Variants in FRYL observed in about 807,000 individuals in gnomAD.
FRYL encodes protein furry homolog-like.
In FRYL, 150 loss-of-function variants were observed where a neutral mutation model predicts 351.2. The observed-to-expected ratio is 0.43, with a 90% CI of 0.37 to 0.49. The LOEUF (loss-of-function observed/expected upper bound fraction) is 0.49, where lower values mean the gene tolerates loss of function less well. Ranked by LOEUF, FRYL falls within the 20% of genes least tolerant of loss-of-function variation. FRYL has a pLI of 0.00. For synonymous variants in FRYL, 1,153 were observed against 1,257.1 expected (o/e 0.92, Z 1.75); for missense variants, 3,036 against 3,619.3 (o/e 0.84, Z 4.13).
intron 22 of FRYL, among the ~76,000 whole-genome samples, chr4:48,579,539 C>A (rs1740411391): frequency 6.6e-6 from 1 of 152,112 alleles, no homozygotes; most frequent in Non-Finnish European, 1.5e-5. Flanking sequence ...ATCCAAATTT[C>A]ATCGTATACC....
chr4:48,712,067 T>A (rs1248433733), intron 1 of FRYL, among the ~76,000 whole-genome samples: 1 of 152,054 alleles, frequency 6.6e-6, no homozygotes, highest in East Asian at 1.9e-4. Flanking sequence ...AACCCATCTG[T>A]GCATCACCAT....
At chr4:48,548,634 C>CT in intron 40 of FRYL, 56 bp downstream of exon 40, 1 of 981,822 alleles carries the variant, frequency 1.0e-6, no homozygotes, top group South Asian at 1.4e-5. Flanking sequence ...AACCATACTG[C>CT]TTTTAAATTA....
intron 62 of FRYL, 128 bp from the exon 63 acceptor site, chr4:48,500,348 G>A (rs1719275519): frequency 1.9e-6 from 1 of 526,430 alleles, no homozygotes. Flanking sequence ...TGTTTGTCTT[G>A]GAAGAAAGGG....
intron 36 of FRYL, among the ~76,000 whole-genome samples, chr4:48,552,926 T>C (rs1255954309): frequency 1.3e-5 from 2 of 152,154 alleles, no homozygotes; most frequent in Admixed American, 6.5e-5. Context: ...ATTAGGAACA[T>C]AGTTTCTTCA....
At chr4:48,531,776 A>C (rs1727700553) in intron 49 of FRYL, among the ~76,000 whole-genome samples, 1 of 152,216 alleles carries the variant, frequency 6.6e-6, no homozygotes. Context: ...TTTAACGAAT[A>C]CCTTCCTTTT....
intron 50 of FRYL, among the ~76,000 whole-genome samples, chr4:48,530,706 T>C (rs1364329276): frequency 2.0e-5 from 3 of 152,140 alleles, no homozygotes; most frequent in African/African-American, 4.8e-5. Context: ...CAAGCCTTCA[T>C]TCACACATTC....
rs1467499446 is a variant in FRYL, at chr4:48,531,136, T to A, written c.6903+20A>T. On this transcript the variant is annotated intron_variant, in intron 50 of 63. Coordinates refer to ENST00000358350, the MANE Select transcript of FRYL (RefSeq NM_015030.2). ...GAAAATTCCTAGTAGAGTAACTTCATCAATTTCTGAGCATCTTACCTCAGA... is the reference window on the plus strand; with the variant it reads ...GAAAATTCCTAGTAGAGTAACTTCAACAATTTCTGAGCATCTTACCTCAGA... 6.9e-7 allele frequency: 1 copy of A among 1,449,490 alleles called. No homozygotes were observed. The highest frequency in any genetic ancestry group is 1.8e-5 in the Admixed American group (1 of 54,758). The allele number at this position is 1,449,490 out of a possible 1,614,324, so 89.8% of individuals were successfully genotyped here.
At position 48,567,413 on chromosome 4, in the gene FRYL, C is replaced by G. The variant is rs774373299; in HGVS notation, c.3004G>C (p.Gly1002Arg). 6.3e-7 allele frequency: 1 copy of G among 1,594,170 alleles called. No individual in the cohort carries two copies. The highest frequency in any genetic ancestry group is 1.2e-5 in the South Asian group (1 of 85,442). ...DAGVISHSAS[G>R]GLDNETHFLN... ...AAATGTGTTTCATTATCAAGGCCAC[C>G]ACTTGCACTGAAAATATTGAAGAAA... Residue 1002 changes from glycine to arginine, a missense_variant, in exon 28 of 64, where the codon GGT becomes CGT. Transcript: ENST00000358350. This position sits in a 1 kb window ranked among gnomAD's most constrained non-coding sequence, Gnocchi z 4.2.
chr4:48,565,129 C>T (rs575357981), intron 29 of FRYL, 86 bp from the exon 30 acceptor site: 1 of 660,584 alleles, frequency 1.5e-6, no homozygotes, highest in African/African-American at 1.9e-5. Context: ...AAATACTTAT[C>T]TAGTCACAAT....
At chr4:48,569,872 G>A (rs1417968977) in intron 27 of FRYL, among the ~76,000 whole-genome samples, 1 of 152,130 alleles carries the variant, frequency 6.6e-6, no homozygotes, top group Non-Finnish European at 1.5e-5. Context: ...CAGTGCAGTG[G>A]CATGGTCAAG....
At chr4:48,599,963 C>T (rs187080193) in intron 13 of FRYL, among the ~76,000 whole-genome samples, 358 of 151,896 alleles carry the variant, frequency 2.4e-3, no homozygotes, top group African/African-American at 8.3e-3. Context: ...AAAAATCAGC[C>T]GGCGGTGGTG....
At chr4:48,707,816 ATTTCTT>A (rs573403868) in intron 2 of FRYL, among the ~76,000 whole-genome samples, 2 of 150,664 alleles carry the variant, frequency 1.3e-5, no homozygotes, top group South Asian at 4.2e-4. Context: ...AAGTATCTGT[ATTTCTT>A]TTTCTTTTTT....
intron 3 of FRYL, among the ~76,000 whole-genome samples, chr4:48,646,228 G>A (rs1389475817): frequency 3.3e-5 from 5 of 152,098 alleles, no homozygotes; most frequent in African/African-American, 4.8e-5. Context: ...TAATGTAACT[G>A]AAAATACAGC....
At chr4:48,770,487 G>A (rs369074247) in intron 1 of FRYL, among the ~76,000 whole-genome samples, 1 of 151,084 alleles carries the variant, frequency 6.6e-6, no homozygotes, top group Non-Finnish European at 1.5e-5. Flanking sequence ...GCCCAGTTTG[G>A]AGTGCAATGG....
Position 48,528,267 on chromosome 4 carries a change from T to G in FRYL, c.6973A>C (p.Ile2325Leu), listed in dbSNP as rs747851794. 4 of 1,613,254 alleles carry G rather than the reference T, an allele frequency of 2.5e-6. No individual in the cohort carries two copies. The East Asian group carries it at 8.9e-5, about 36-fold the overall frequency. The change falls in exon 51 of 64, where the codon ATT becomes CTT. Residue 2325 changes from isoleucine (I) to leucine (L), a missense_variant. Physicochemically the swap from Ile to Leu is conservative, Grantham distance 5. Around this residue, in one of 7 missense-constraint regions of FRYL, gnomAD observed 1,987 missense variants for 2,311.7 expected, o/e 0.86. Coordinates refer to ENST00000358350, the MANE Select transcript of FRYL (RefSeq NM_015030.2). ...AAGRNGKPKVIAVTRSTSSTS... is the reference protein window; with the variant it reads ...AAGRNGKPKVLAVTRSTSSTS... ...GAGGAAGTACTTCTAGTGACAGCAA[T>G]AACTTTTGGTTTCCCATTTCTTCCA...
chr4:48,685,088 A>G (rs1765015747), intron 2 of FRYL, among the ~76,000 whole-genome samples: 1 of 152,062 alleles, frequency 6.6e-6, no homozygotes, highest in Admixed American at 6.6e-5. Context: ...ACTTTCCCCA[A>G]CCTCTATCCC....
chr4:48,779,644 C>T (rs1776428064), intron 1 of FRYL, among the ~76,000 whole-genome samples: 1 of 152,042 alleles, frequency 6.6e-6, no homozygotes, highest in South Asian at 2.1e-4. Flanking sequence ...CACCGCCTTC[C>T]TTCCCGCGGG....
At chr4:48,605,399 C>A (rs1344154430) in intron 11 of FRYL, among the ~76,000 whole-genome samples, 2 of 152,128 alleles carry the variant, frequency 1.3e-5, no homozygotes, top group Non-Finnish European at 2.9e-5. Context: ...CAAAACAGTT[C>A]AATTTTTCAA....
chr4:48,557,674 G>A lies in FRYL; in HGVS notation c.3904C>T (p.Arg1302Trp), dbSNP rs1297423287. Reference protein sequence around the residue: ...QRIQTAHPAGRQVMLHYLLPW... With the variant: ...QRIQTAHPAGWQVMLHYLLPW... ...AGCAGGTAGTGCAGCATCACCTGCC[G>A]CCCAGCAGGGTGAGCTGTCTGGATT... is the stretch of plus-strand genomic sequence containing the variant. Residue 1302 changes from arginine to tryptophan, a missense_variant, in exon 34 of 64, where the codon CGG becomes TGG. Around this residue, in one of 7 missense-constraint regions of FRYL, gnomAD observed 1,987 missense variants for 2,311.7 expected, o/e 0.86. Coordinates refer to ENST00000358350, the MANE Select transcript of FRYL (RefSeq NM_015030.2). 9 of 1,613,906 alleles carry A rather than the reference G, an allele frequency of 5.6e-6. No homozygotes were observed. The highest frequency in any genetic ancestry group is 2.2e-5 in the East Asian group (1 of 44,894).
Sources: gnomAD v4.1 joint callset for allele counts (sites outside exome capture counted in the v4.1 genomes callset) on GRCh38, gnomAD v4.1.1 for gene constraint, gnomAD v4.1.1 regional missense constraint, Gnocchi (gnomAD v3.1) non-coding constraint, MANE v1.5 for transcripts, NCBI Gene and HGNC (gene_info 2026-07-23, HGNC 2026-07-21) for gene names.